The following HS3ST4 variants were observed in gnomAD, a reference collection of about 807,000 sequenced individuals.
HS3ST4 encodes heparan sulfate-glucosamine 3-sulfotransferase 4, also known as heparan sulfate glucosamine 3-O-sulfotransferase 4.
A neutral mutation model predicts 29.2 loss-of-function variants in HS3ST4; 17 were observed. The observed-to-expected ratio is 0.58, with a 90% CI of 0.40 to 0.87. The LOEUF (loss-of-function observed/expected upper bound fraction) is 0.87, where lower values mean the gene tolerates loss of function less well. HS3ST4 is among the 40% of genes least tolerant of loss of function. HS3ST4 has a pLI of 0.00. For synonymous variants in HS3ST4, 314 were observed against 285.7 expected, an observed-to-expected ratio of 1.10 and a Z score of -1.00; for missense variants, 627 against 634.5, an observed-to-expected ratio of 0.99 and a Z score of 0.13.
At chr16:25,699,227 C>A (rs1596546948) in intron 1 of HS3ST4, among the ~76,000 whole-genome samples, 1 of 152,180 alleles carries the variant, frequency 6.6e-6, no homozygotes, top group Admixed American at 6.5e-5. Flanking sequence ...TGGCCAGAAT[C>A]GTGGCTTACA....
chr16:25,768,200 C>T (rs920766329), intron 1 of HS3ST4, among the ~76,000 whole-genome samples: 7 of 152,188 alleles, frequency 4.6e-5, no homozygotes, highest in African/African-American at 7.2e-5. Context: ...CCACTTCTGT[C>T]TTTTCTCCCC....
chr16:25,705,751 C>A, intron 1 of HS3ST4, among the ~76,000 whole-genome samples: 1 of 152,284 alleles, frequency 6.6e-6, no homozygotes, highest in East Asian at 1.9e-4. Flanking sequence ...AGTCTGAGTT[C>A]TGCACCTTGT....
intron 1 of HS3ST4, among the ~76,000 whole-genome samples, chr16:25,771,450 C>T (rs990103940): frequency 2.6e-5 from 4 of 152,060 alleles, no homozygotes; most frequent in African/African-American, 9.7e-5. Context: ...AAGTGATTTC[C>T]TACCCCAGGG....
intron 1 of HS3ST4, among the ~76,000 whole-genome samples, chr16:25,820,313 A>G (rs1334518455): frequency 6.6e-6 from 1 of 152,186 alleles, no homozygotes; most frequent in Non-Finnish European, 1.5e-5. Context: ...CCATTTTGCT[A>G]CTTCACAGCT....
chr16:25,830,586 TG>T (rs1393608312), intron 1 of HS3ST4, among the ~76,000 whole-genome samples: 4 of 152,222 alleles, frequency 2.6e-5, no homozygotes, highest in African/African-American at 7.2e-5. Flanking sequence ...TGTCCTGAAA[TG>T]GATGTCTTGA....
intron 1 of HS3ST4, among the ~76,000 whole-genome samples, chr16:25,976,561 A>G (rs1326255465): frequency 2.0e-5 from 3 of 152,152 alleles, no homozygotes; most frequent in Non-Finnish European, 4.4e-5. Context: ...TGGTTGGTGT[A>G]TGGCGGTGGG....
intron 1 of HS3ST4, among the ~76,000 whole-genome samples, chr16:25,763,023 C>T (rs1216805864): frequency 6.6e-6 from 1 of 151,938 alleles, no homozygotes; most frequent in East Asian, 1.9e-4. Flanking sequence ...ACCAAGGTAC[C>T]CAGGAGCCAG....
intron 1 of HS3ST4, among the ~76,000 whole-genome samples, chr16:25,793,458 C>T (rs1200590139): frequency 2.0e-5 from 3 of 151,846 alleles, no homozygotes; most frequent in African/African-American, 7.2e-5. Context: ...ATATATGTGA[C>T]ATGTTATTAG....
chr16:25,800,891 CAT>C (rs1219560159), intron 1 of HS3ST4, among the ~76,000 whole-genome samples: 1 of 152,178 alleles, frequency 6.6e-6, no homozygotes, highest in Non-Finnish European at 1.5e-5. Flanking sequence ...CCTCACCAGA[CAT>C]TGAATTTGCT....
At chr16:25,989,508 A>G (rs1357000767) in intron 1 of HS3ST4, among the ~76,000 whole-genome samples, 2 of 152,198 alleles carry the variant, frequency 1.3e-5, no homozygotes, top group African/African-American at 4.8e-5. Flanking sequence ...CCTGCTGGAA[A>G]GTCCTCAGCT....
chr16:25,828,301 C>CCCCTCT (rs1967253350), intron 1 of HS3ST4, among the ~76,000 whole-genome samples: 1 of 32,882 alleles, frequency 3.0e-5, no homozygotes, highest in African/African-American at 1.3e-4. Flanking sequence ...TCTTTCTTTC[C>CCCCTCT]CTCTCTCTCT....
chr16:26,077,940 C>T (rs139689045), intron 1 of HS3ST4, among the ~76,000 whole-genome samples: 10 of 152,222 alleles, frequency 6.6e-5, no homozygotes, highest in African/African-American at 1.2e-4. Context: ...CCAGGCTTGG[C>T]GGTACACACC....
intron 1 of HS3ST4, among the ~76,000 whole-genome samples, chr16:26,069,876 G>A (rs1232811601): frequency 6.6e-6 from 1 of 151,972 alleles, no homozygotes; most frequent in African/African-American, 2.4e-5. Context: ...TCCCTACAAA[G>A]GACATGAACT....
At chr16:26,005,190 A>C (rs373940762) in intron 1 of HS3ST4, among the ~76,000 whole-genome samples, 1 of 152,314 alleles carries the variant, frequency 6.6e-6, no homozygotes, top group African/African-American at 2.4e-5. Flanking sequence ...AATCCACAGT[A>C]GGAGGAGATA....
chr16:25,721,347 A>G (rs868070383), intron 1 of HS3ST4, among the ~76,000 whole-genome samples: 1 of 152,116 alleles, frequency 6.6e-6, no homozygotes, highest in Non-Finnish European at 1.5e-5. Flanking sequence ...TGAATTGAGG[A>G]TTGCCTTGCA....
At chr16:25,947,063 G>A (rs145826483) in intron 1 of HS3ST4, among the ~76,000 whole-genome samples, 2 of 152,266 alleles carry the variant, frequency 1.3e-5, no homozygotes, top group South Asian at 2.1e-4. Context: ...AAGGTATTAA[G>A]CAAGTGTGTG....
At chr16:25,817,855 GT>G (rs1967110160) in intron 1 of HS3ST4, among the ~76,000 whole-genome samples, 1 of 152,172 alleles carries the variant, frequency 6.6e-6, no homozygotes. Context: ...TATAGATCCA[GT>G]TTTGCTTATT....
chr16:25,717,625 A>G (rs1199862223), intron 1 of HS3ST4, among the ~76,000 whole-genome samples: 1 of 151,904 alleles, frequency 6.6e-6, no homozygotes, highest in Non-Finnish European at 1.5e-5. Context: ...CATGCTGGAA[A>G]AACTAAAAGC....
At chr16:26,106,350 T>G (rs1899056937) in intron 1 of HS3ST4, among the ~76,000 whole-genome samples, 1 of 152,202 alleles carries the variant, frequency 6.6e-6, no homozygotes, top group African/African-American at 2.4e-5. Context: ...CCAAGGTGAC[T>G]TCTCTATAAG....
Sources: gnomAD v4.1 joint callset for allele counts (sites outside exome capture counted in the v4.1 genomes callset) on GRCh38, gnomAD v4.1.1 for gene constraint, MANE v1.5 for transcripts, NCBI Gene and HGNC (gene_info 2026-07-23, HGNC 2026-07-21) for gene names.